ANKH: variants seen among roughly 807,000 people sequenced by gnomAD.
ANKH encodes the protein ANKH inorganic pyrophosphate transport regulator.
A neutral mutation model predicts 49.0 loss-of-function variants in ANKH; 15 were observed. The observed-to-expected ratio is 0.31, with a 90% CI of 0.20 to 0.47. ANKH has a LOEUF of 0.47. Among genes scored for constraint, ANKH ranks in the 20% least tolerant of loss-of-function variants. ANKH has a pLI of 1.00. For synonymous variants in ANKH, 273 were observed against 260.0 expected (o/e 1.05, Z -0.48); for missense variants, 429 against 652.0 (o/e 0.66, Z 3.72).
chr5:14,815,032 A>C (rs1168467451), intron 1 of ANKH, among the ~76,000 whole-genome samples: 1 of 152,140 alleles, frequency 6.6e-6, no homozygotes. Context: ...GTTGGTTCTC[A>C]CCCACCAGCA....
At chr5:14,859,046 C>T (rs966565251) in intron 1 of ANKH, among the ~76,000 whole-genome samples, 11 of 151,850 alleles carry the variant, frequency 7.2e-5, no homozygotes, top group Admixed American at 1.3e-4. Context: ...AAAAATGTAT[C>T]ATTTTAATAA....
intron 1 of ANKH, among the ~76,000 whole-genome samples, chr5:14,793,023 T>TATATATATATATAA (rs1740234079): frequency 1.5e-5 from 1 of 66,602 alleles, no homozygotes; most frequent in Non-Finnish European, 2.8e-5. Context: ...TATATATAAA[T>TATATATATATATAA]ATATATATAT....
At chr5:14,809,358 G>GA (rs1281804480) in intron 1 of ANKH, among the ~76,000 whole-genome samples, 8 of 95,370 alleles carry the variant, frequency 8.4e-5, no homozygotes, top group Admixed American at 2.0e-4. Context: ...AAAAAAAAAA[G>GA]AAAAAAAAAG....
chr5:14,749,799 C>T (rs1015155389), intron 5 of ANKH, among the ~76,000 whole-genome samples: 10 of 152,204 alleles, frequency 6.6e-5, no homozygotes, highest in Admixed American at 3.3e-4. Flanking sequence ...TTCTTATTCT[C>T]GGAGCTCTCA....
chr5:14,837,615 C>A (rs543783320), intron 1 of ANKH, among the ~76,000 whole-genome samples: 89 of 152,312 alleles, frequency 5.8e-4, no homozygotes, highest in African/African-American at 2.0e-3. Context: ...ATTAAAAAGT[C>A]AGGAAACAAC....
Position 14,730,093 on chromosome 5 carries a change from G to A in ANKH, c.1011+11734C>T, listed in dbSNP as rs547258196. 6.6e-5 allele frequency among the ~76,000 whole-genome samples: 10 copies of A among 152,224 alleles called. No homozygotes were observed. In the East Asian group the frequency reaches 1.4e-3, roughly 21 times the overall value. On this transcript the variant is annotated intron_variant, in intron 8 of 11. Coordinates refer to ENST00000284268, the MANE Select transcript of ANKH (RefSeq NM_054027.6). ...ATGCTGGGTTCTACAGAAACAGCAC[G>A]CAAGGTGGGGACCTGACCATGCTGG...
intron 1 of ANKH, among the ~76,000 whole-genome samples, chr5:14,857,850 T>A (rs1735325999): frequency 6.6e-6 from 1 of 152,164 alleles, no homozygotes; most frequent in African/African-American, 2.4e-5. Context: ...AACACAGGCA[T>A]ATCCAGACCC....
intron 2 of ANKH, among the ~76,000 whole-genome samples, chr5:14,760,499 G>A (rs1739041004): frequency 6.6e-6 from 1 of 152,180 alleles, no homozygotes; most frequent in African/African-American, 2.4e-5. Flanking sequence ...TTTGGGTGCC[G>A]AACTGTGGAA....
intron 8 of ANKH, among the ~76,000 whole-genome samples, chr5:14,738,003 G>A (rs1201671269): frequency 6.6e-6 from 1 of 152,102 alleles, no homozygotes; most frequent in African/African-American, 2.4e-5. Context: ...CGGAAATGGC[G>A]AACATTTCCA....
chr5:14,719,228 G>A (rs994663386), intron 8 of ANKH, among the ~76,000 whole-genome samples: 3 of 152,180 alleles, frequency 2.0e-5, no homozygotes, highest in African/African-American at 7.2e-5. Context: ...TTTTGAAGGC[G>A]GATGATTTCT....
At chr5:14,756,190 A>C (rs1489832846) in intron 3 of ANKH, among the ~76,000 whole-genome samples, 6 of 152,196 alleles carry the variant, frequency 3.9e-5, no homozygotes, top group Non-Finnish European at 8.8e-5. Flanking sequence ...TTGTATGTAG[A>C]CTAGTGCGCT....
intron 1 of ANKH, among the ~76,000 whole-genome samples, chr5:14,819,149 G>A (rs1741127637): frequency 6.6e-6 from 1 of 152,210 alleles, no homozygotes; most frequent in African/African-American, 2.4e-5. Flanking sequence ...AAGAGCTGAT[G>A]TCTTCCTGGA....
intron 1 of ANKH, among the ~76,000 whole-genome samples, chr5:14,814,666 TTTTTA>T (rs770213605): frequency 1.3e-5 from 2 of 152,200 alleles, no homozygotes; most frequent in Non-Finnish European, 2.9e-5. Flanking sequence ...AGTCAGATGC[TTTTTA>T]TTTTATTTCT....
At chr5:14,726,561 C>T (rs1031359220) in intron 8 of ANKH, among the ~76,000 whole-genome samples, 12 of 151,750 alleles carry the variant, frequency 7.9e-5, no homozygotes, top group East Asian at 1.9e-4. Context: ...GCAAGAGTGA[C>T]GGGAGGGAGG....
At chr5:14,801,393 C>A (rs1306182708) in intron 1 of ANKH, among the ~76,000 whole-genome samples, 2 of 152,164 alleles carry the variant, frequency 1.3e-5, no homozygotes, top group African/African-American at 4.8e-5. Context: ...AATGGACAAG[C>A]TAATGCTATG....
chr5:14,810,602 T>C (rs993994035), intron 1 of ANKH, among the ~76,000 whole-genome samples: 1 of 152,216 alleles, frequency 6.6e-6, no homozygotes, highest in African/African-American at 2.4e-5. Flanking sequence ...CTAATTACAG[T>C]AACCATGAAT....
chr5:14,828,817 C>T (rs1741422166), intron 1 of ANKH, among the ~76,000 whole-genome samples: 1 of 152,174 alleles, frequency 6.6e-6, no homozygotes, highest in Non-Finnish European at 1.5e-5. Flanking sequence ...TAGAAAACAA[C>T]TTTGCCCAAG....
chr5:14,743,146 T>G (rs1738418213), intron 7 of ANKH, among the ~76,000 whole-genome samples: 1 of 152,234 alleles, frequency 6.6e-6, no homozygotes, highest in African/African-American at 2.4e-5. Flanking sequence ...GTTTTCTTAA[T>G]TCTAGTCTCT....
At chr5:14,831,596 C>T (rs1741509571) in intron 1 of ANKH, among the ~76,000 whole-genome samples, 1 of 152,072 alleles carries the variant, frequency 6.6e-6, no homozygotes, top group Non-Finnish European at 1.5e-5. Flanking sequence ...TGGTCAAATG[C>T]TCAAGGGGGG....
Sources: gnomAD v4.1 joint callset for allele counts (sites outside exome capture counted in the v4.1 genomes callset) on GRCh38, gnomAD v4.1.1 for gene constraint, MANE v1.5 for transcripts, NCBI Gene and HGNC (gene_info 2026-07-23, HGNC 2026-07-21) for gene names.